KCNT2: variants seen among roughly 807,000 people sequenced by gnomAD.
KCNT2 encodes the protein potassium channel subfamily T member 2.
A neutral mutation model predicts 153.8 loss-of-function variants in KCNT2; 67 were observed. The ratio of observed to expected loss-of-function variants is 0.44; its 90% CI spans 0.36 to 0.53. KCNT2 has a LOEUF of 0.53. KCNT2 is among the 20% of genes least tolerant of loss of function. The pLI is 0.00. For missense variants in KCNT2, 975 were observed against 1,354.8 expected, an observed-to-expected ratio of 0.72 and a Z score of 4.40; for synonymous variants, 500 against 458.8, an observed-to-expected ratio of 1.09 and a Z score of -1.15.
At chr1:196,343,936 T>C (rs1181918383) in intron 14 of KCNT2, among the ~76,000 whole-genome samples, 1 of 152,036 alleles carries the variant, frequency 6.6e-6, no homozygotes, top group Non-Finnish European at 1.5e-5. Context: ...CCTGCCACCA[T>C]GCCCAGCTAA....
Position 196,541,103 on chromosome 1 carries a change from A to G in KCNT2, c.96-48762T>C, listed in dbSNP as rs540261892. ...TAAATAAATATATAAATAAATAAAAATCTATTTATATTCGTTCAGTAGGTG... is the reference window on the plus strand; with the variant it reads ...TAAATAAATATATAAATAAATAAAAGTCTATTTATATTCGTTCAGTAGGTG... On this transcript the variant is annotated intron_variant, in intron 1 of 27. Transcript: ENST00000294725. Among the ~76,000 whole-genome samples, 534 of 143,152 alleles carry G rather than the reference A, an allele frequency of 3.7e-3. 2 individuals are homozygous for G. The highest frequency in any genetic ancestry group is 0.013 in the African/African-American group (507 of 38,888). 93.9% of individuals were successfully genotyped at this position (143,152 alleles called of 152,430 possible). A position where few individuals can be genotyped will look rare whatever the true frequency, so the allele number is the denominator to read the frequency against.
intron 1 of KCNT2, among the ~76,000 whole-genome samples, chr1:196,603,923 C>G (rs1665025154): frequency 6.6e-6 from 1 of 152,192 alleles, no homozygotes; most frequent in East Asian, 1.9e-4. Context: ...AAACCTGTAA[C>G]TTATCAGTGT....
At chr1:196,591,857 A>G (rs1173285838) in intron 1 of KCNT2, among the ~76,000 whole-genome samples, 2 of 152,186 alleles carry the variant, frequency 1.3e-5, no homozygotes, top group Non-Finnish European at 2.9e-5. Flanking sequence ...ATTACATGAA[A>G]TATGTTGTAG....
chr1:196,520,152 G>GAATTTATTGAT (rs1653156573), intron 1 of KCNT2, among the ~76,000 whole-genome samples: 3 of 151,880 alleles, frequency 2.0e-5, no homozygotes, highest in Admixed American at 6.6e-5. Flanking sequence ...TTGGTTTAAC[G>GAATTTATTGAT]TATGTAAATC....
intron 26 of KCNT2, among the ~76,000 whole-genome samples, chr1:196,245,927 A>G (rs1235304822): frequency 1.6e-4 from 25 of 152,206 alleles, no homozygotes; most frequent in Admixed American, 1.6e-3. Context: ...TAGAAAGTTG[A>G]TGCAACAGGA....
chr1:196,262,667 T>C lies in KCNT2; in HGVS notation c.2911-4173A>G, dbSNP rs551996750. On this transcript the variant is annotated intron_variant, in intron 25 of 27. Coordinates refer to ENST00000294725, the MANE Select transcript of KCNT2 (RefSeq NM_198503.5). ...TCTAAAGAAAGATGTTTCACCAGTT[T>C]CCAAAGCTCAATTTAATATGTACAC... 5.5e-4 allele frequency among the ~76,000 whole-genome samples: 84 copies of C among 152,194 alleles called. 1 individual carries two copies. Among genetic ancestry groups the C allele is most frequent in the African/African-American group, 1.9e-3 (80 of 41,556 alleles).
At chr1:196,424,181 T>A (rs544899644) in intron 11 of KCNT2, among the ~76,000 whole-genome samples, 1 of 151,934 alleles carries the variant, frequency 6.6e-6, no homozygotes, top group East Asian at 1.9e-4. Flanking sequence ...TACCAAGACA[T>A]CATTTTAAGA....
intron 14 of KCNT2, among the ~76,000 whole-genome samples, chr1:196,347,543 C>A (rs1261999816): frequency 6.6e-6 from 1 of 152,132 alleles, no homozygotes; most frequent in African/African-American, 2.4e-5. Context: ...AATCCTTTTA[C>A]AGTAATGTAG....
chr1:196,593,042 G>A (rs1232376432), intron 1 of KCNT2, among the ~76,000 whole-genome samples: 1 of 150,290 alleles, frequency 6.7e-6, no homozygotes, highest in Admixed American at 6.7e-5. Context: ...AGTATACACT[G>A]AACACAATTT....
At position 196,280,877 on chromosome 1, in the gene KCNT2, T is replaced by G; in HGVS notation, c.2893A>C (p.Lys965Gln). The G allele has an allele frequency of 6.2e-7, 1 of 1,612,810 alleles. No homozygotes were observed. Among genetic ancestry groups the G allele is most frequent in the Non-Finnish European group, 8.5e-7 (1 of 1,178,976 alleles). ...PIGIYRTESQ[K>Q]LTTSESQISI... is the part of the protein sequence containing the mutation. ...TTCCAAACCTCAGATGTAGTAAGTTTCTGAGACTCAGTCCTGTAGATTCCA... is the reference window on the plus strand; with the variant it reads ...TTCCAAACCTCAGATGTAGTAAGTTGCTGAGACTCAGTCCTGTAGATTCCA... Residue 965 changes from lysine (K) to glutamine (Q), a missense_variant, in exon 25 of 28, where the codon AAA (lysine) becomes CAA (glutamine). By Grantham distance (53) the Lys-to-Gln change is moderately conservative. Coordinates refer to ENST00000294725, the MANE Select transcript of KCNT2 (RefSeq NM_198503.5).
intron 13 of KCNT2, among the ~76,000 whole-genome samples, chr1:196,382,089 T>TTATTTATTTATTTATTTATG (rs1373457404): frequency 2.0e-5 from 3 of 149,244 alleles, no homozygotes; most frequent in Non-Finnish European, 4.5e-5. Flanking sequence ...CCAAATTTAT[T>TTATTTATTTATTTATTTATG]TATTTATTTA....
chr1:196,536,787 C>A (rs375062286), intron 1 of KCNT2, among the ~76,000 whole-genome samples: 2 of 152,178 alleles, frequency 1.3e-5, no homozygotes, highest in Admixed American at 6.5e-5. Context: ...TGAAGGGCAG[C>A]ATATGCAGTT....
chr1:196,525,222 C>CAA (rs1298246359), intron 1 of KCNT2, among the ~76,000 whole-genome samples: 2 of 150,036 alleles, frequency 1.3e-5, no homozygotes, highest in African/African-American at 5.0e-5. Flanking sequence ...TTACGTAAAG[C>CAA]AAATAAAAAA....
intron 26 of KCNT2, among the ~76,000 whole-genome samples, chr1:196,249,352 G>A (rs766424545): frequency 6.6e-6 from 1 of 152,172 alleles, no homozygotes; most frequent in East Asian, 1.9e-4. Context: ...AATTGGAAAA[G>A]AAAGAATCAA....
chr1:196,588,885 G>GAAATTCCAAAACAA (rs1663004854), intron 1 of KCNT2, among the ~76,000 whole-genome samples: 1 of 151,608 alleles, frequency 6.6e-6, no homozygotes, highest in Admixed American at 6.6e-5. Context: ...CCTCAACAGG[G>GAAATTCCAAAACAA]TAATTTCATT....
chr1:196,345,997 G>C (rs1666110432), intron 14 of KCNT2, among the ~76,000 whole-genome samples: 1 of 152,118 alleles, frequency 6.6e-6, no homozygotes, highest in African/African-American at 2.4e-5. Context: ...AACAGACATA[G>C]TGTATGTGAG....
At chr1:196,339,952 G>C (rs1428367232) in intron 16 of KCNT2, among the ~76,000 whole-genome samples, 4 of 151,932 alleles carry the variant, frequency 2.6e-5, no homozygotes, top group South Asian at 2.1e-4. Flanking sequence ...AAATATAAAA[G>C]TGTGTGGTGC....
At chr1:196,353,940 G>T (rs1175716109) in intron 14 of KCNT2, among the ~76,000 whole-genome samples, 3 of 151,764 alleles carry the variant, frequency 2.0e-5, no homozygotes, top group Non-Finnish European at 4.4e-5. Flanking sequence ...TTAATATGTT[G>T]CATACTCTGT....
intron 1 of KCNT2, among the ~76,000 whole-genome samples, chr1:196,555,936 A>G (rs970672922): frequency 2.6e-5 from 4 of 151,558 alleles, no homozygotes; most frequent in African/African-American, 9.6e-5. Flanking sequence ...TGCTGGGAAA[A>G]CTGGATATCC....
Sources: gnomAD v4.1 joint callset for allele counts (sites outside exome capture counted in the v4.1 genomes callset) on GRCh38, gnomAD v4.1.1 for gene constraint, MANE v1.5 for transcripts, NCBI Gene and HGNC (gene_info 2026-07-23, HGNC 2026-07-21) for gene names.